SUCLG2: variants seen among roughly 807,000 people sequenced by gnomAD.
The protein encoded by SUCLG2 is succinate--CoA ligase [GDP-forming] subunit beta, mitochondrial.
SUCLG2 carries 42 observed loss-of-function variants against 47.9 expected under a neutral mutation model. The observed-to-expected ratio is 0.88, with a 90% CI of 0.69 to 1.14. The LOEUF (loss-of-function observed/expected upper bound fraction) is 1.14, where lower values mean the gene tolerates loss of function less well. Among genes scored for constraint, SUCLG2 ranks in the 50% most tolerant of loss-of-function variants. The probability of loss-of-function intolerance (pLI) is 0.00; values close to 1 mark genes in which losing one functional copy is unlikely to be tolerated. For synonymous variants in SUCLG2, 195 were observed against 197.3 expected, an observed-to-expected ratio of 0.99 and a Z score of 0.10; for missense variants, 571 against 525.9, an observed-to-expected ratio of 1.09 and a Z score of -0.84.
chr3:67,565,070 G>C (rs763647903), intron 2 of SUCLG2, among the ~76,000 whole-genome samples: 1 of 151,762 alleles, frequency 6.6e-6, no homozygotes, highest in Non-Finnish European at 1.5e-5. Context: ...GTACCTAACA[G>C]ACTCAATCAA....
At chr3:67,380,063 A>G (rs568879601) in intron 10 of SUCLG2, among the ~76,000 whole-genome samples, 2 of 152,184 alleles carry the variant, frequency 1.3e-5, no homozygotes, top group South Asian at 4.1e-4. Context: ...CGAGAAGAGG[A>G]GTGGGCGGGT....
In SUCLG2 at chr3:67,501,838, T is replaced by C. The variant is rs79036779; in HGVS notation, c.758-3543A>G. On this transcript the variant is annotated intron_variant, in intron 7 of 10. Transcript: ENST00000307227. ...GGGAAGCTTGTCACCCCTTCATGCA[T>C]ACCCTGCCCCATATACCTCTTCATC... is the stretch of plus-strand genomic sequence containing the variant. Among the ~76,000 whole-genome samples, 15 of 152,268 alleles carry C rather than the reference T, an allele frequency of 9.9e-5. No individual in the cohort carries two copies. The East Asian group carries it at 2.9e-3, about 29-fold the overall frequency.
intron 2 of SUCLG2, among the ~76,000 whole-genome samples, chr3:67,591,131 C>T (rs1271130055): frequency 6.6e-6 from 1 of 152,094 alleles, no homozygotes; most frequent in East Asian, 1.9e-4. Context: ...GAAATATACC[C>T]CTGGGGCTGT....
chr3:67,480,995 A>C (rs749560068), intron 9 of SUCLG2, among the ~76,000 whole-genome samples: 1 of 150,554 alleles, frequency 6.6e-6, no homozygotes, highest in Admixed American at 6.7e-5. Context: ...TTTGGCATCA[A>C]GATGTACAAT....
intron 2 of SUCLG2, among the ~76,000 whole-genome samples, chr3:67,531,088 T>A (rs1706390863): frequency 6.6e-6 from 1 of 152,212 alleles, no homozygotes; most frequent in African/African-American, 2.4e-5. Context: ...AGTGTAAGGA[T>A]GATGTGAAGA....
At chr3:67,391,762 G>T (rs1702388508) in intron 10 of SUCLG2, among the ~76,000 whole-genome samples, 1 of 152,180 alleles carries the variant, frequency 6.6e-6, no homozygotes. Flanking sequence ...CCCCAGCAGA[G>T]CCAAGGTCCA....
At chr3:67,555,375 T>C (rs1381560347) in intron 2 of SUCLG2, among the ~76,000 whole-genome samples, 1 of 152,210 alleles carries the variant, frequency 6.6e-6, no homozygotes, top group Non-Finnish European at 1.5e-5. Flanking sequence ...TATACTTACA[T>C]ATACATATAT....
At position 67,588,130 on chromosome 3, in the gene SUCLG2, T is replaced by C. The variant is rs546436957; in HGVS notation, c.226+21325A>G. Among the ~76,000 whole-genome samples the C allele has an allele frequency of 6.9e-4, 105 of 152,302 alleles. 1 individual carries two copies. The highest frequency in any genetic ancestry group is 3.4e-3 in the Middle Eastern group (1 of 294). On this transcript the variant is annotated intron_variant, in intron 2 of 10. Transcript: ENST00000307227. ...AGATTTCCAATATTATGCATAAAAA[T>C]GAAAATATCATGCAGCTGCTTCTAT... is the stretch of plus-strand genomic sequence containing the variant.
intron 2 of SUCLG2, among the ~76,000 whole-genome samples, chr3:67,595,665 C>T (rs1010492044): frequency 2.0e-5 from 3 of 152,080 alleles, no homozygotes; most frequent in Middle Eastern, 3.2e-3. Flanking sequence ...TGTGCCTGGG[C>T]CTCTTAGATG....
chr3:67,385,785 CTA>C (rs1167962883), intron 10 of SUCLG2, among the ~76,000 whole-genome samples: 1 of 152,194 alleles, frequency 6.6e-6, no homozygotes, highest in Non-Finnish European at 1.5e-5. Flanking sequence ...TTTCCTCAGT[CTA>C]TTTTATTTCT....
At chr3:67,367,302 A>G (rs1559633367) in intron 10 of SUCLG2, among the ~76,000 whole-genome samples, 1 of 152,154 alleles carries the variant, frequency 6.6e-6, no homozygotes, top group Non-Finnish European at 1.5e-5. Flanking sequence ...ATCCCCCCAA[A>G]AAGTATATTA....
intron 1 of SUCLG2, among the ~76,000 whole-genome samples, chr3:67,637,016 A>C (rs912927983): frequency 6.6e-6 from 1 of 152,048 alleles, no homozygotes; most frequent in Non-Finnish European, 1.5e-5. Context: ...TCAGAACAGC[A>C]TCATGAGTGA....
At chr3:67,434,300 A>G (rs1703562187) in intron 9 of SUCLG2, among the ~76,000 whole-genome samples, 1 of 152,190 alleles carries the variant, frequency 6.6e-6, no homozygotes, top group Admixed American at 6.6e-5. Flanking sequence ...CCAAGGCGAG[A>G]GGATCTCTTG....
intron 10 of SUCLG2, among the ~76,000 whole-genome samples, chr3:67,385,984 G>A (rs962260439): frequency 2.6e-5 from 4 of 152,168 alleles, no homozygotes; most frequent in African/African-American, 9.7e-5. Context: ...TTCCTGAGAG[G>A]CTAGAAGGTC....
intron 1 of SUCLG2, among the ~76,000 whole-genome samples, chr3:67,610,082 T>C (rs1029187060): frequency 6.6e-6 from 1 of 152,220 alleles, no homozygotes; most frequent in East Asian, 1.9e-4. Context: ...ATAAAGAGCA[T>C]AGCATTATTT....
At chr3:67,606,471 A>T (rs1700421634) in intron 2 of SUCLG2, among the ~76,000 whole-genome samples, 1 of 152,188 alleles carries the variant, frequency 6.6e-6, no homozygotes, top group South Asian at 2.1e-4. Context: ...ATAATGGGGA[A>T]ATGAAGATCA....
At chr3:67,539,078 A>C (rs577545480) in intron 2 of SUCLG2, among the ~76,000 whole-genome samples, 1 of 152,178 alleles carries the variant, frequency 6.6e-6, no homozygotes. Context: ...TGTCCTGGCC[A>C]CATCTTCTAA....
At chr3:67,371,863 G>A (rs1254077072), downstream of SUCLG2, among the ~76,000 whole-genome samples, 1 of 152,112 alleles carries the variant, frequency 6.6e-6, no homozygotes. Flanking sequence ...TCTTGGTCAT[G>A]TTACTTAAAT....
At chr3:67,598,665 T>C (rs905548290) in intron 2 of SUCLG2, among the ~76,000 whole-genome samples, 4 of 152,122 alleles carry the variant, frequency 2.6e-5, no homozygotes, top group Non-Finnish European at 5.9e-5. Flanking sequence ...AGGCAACAGG[T>C]TAAATTACAA....
Sources: allele counts gnomAD v4.1 joint callset (sites outside exome capture counted in the v4.1 genomes callset), GRCh38; gene constraint gnomAD v4.1.1; transcripts MANE v1.5; gene names NCBI Gene and HGNC (gene_info 2026-07-23, HGNC 2026-07-21).